ZNF292: variants seen among roughly 807,000 people sequenced by gnomAD.
ZNF292 encodes zinc finger protein 292.
In ZNF292, 26 loss-of-function variants were observed where a neutral mutation model predicts 217.9. That is an observed-to-expected ratio of 0.12 (90% CI 0.09 to 0.17). The LOEUF (loss-of-function observed/expected upper bound fraction) is 0.17. Ranked by LOEUF, ZNF292 falls within the 10% of genes least tolerant of loss-of-function variation. The pLI, the probability that ZNF292 is intolerant of heterozygous loss-of-function variation, is 1.00. For synonymous variants in ZNF292, 1,257 were observed against 1,124.1 expected (o/e 1.12, Z -2.37); for missense variants, 2,904 against 3,175.2 (o/e 0.91, Z 2.05).
rs978652468 is a variant in ZNF292, at chr6:87,240,883, A to G, written c.742-2592A>G. ...TATTCCTGTGCAGGTGGAATTCTGG[A>G]AAGATCACAGACTATGAAGCTAAAC... On this transcript the variant is annotated intron_variant, in intron 5 of 7. Transcript: ENST00000369577. Among the ~76,000 whole-genome samples, 5 of 152,358 alleles carry G rather than the reference A, an allele frequency of 3.3e-5. No individual in the cohort carries two copies. The East Asian group carries it at 7.7e-4, about 23-fold the overall frequency.
chr6:87,169,341 T>TG (rs1173904869), intron 1 of ZNF292, among the ~76,000 whole-genome samples: 31 of 151,686 alleles, frequency 2.0e-4, no homozygotes, highest in African/African-American at 5.8e-4. Flanking sequence ...GCGCCCAGCC[T>TG]CCTTTTTTTT....
chr6:87,216,835 A>G (rs931423286), intron 3 of ZNF292, among the ~76,000 whole-genome samples: 1 of 152,052 alleles, frequency 6.6e-6, no homozygotes, highest in Non-Finnish European at 1.5e-5. Flanking sequence ...CTAAGATCAC[A>G]TAGTAGTTAT....
chr6:87,211,243 C>T (rs1246490837), intron 1 of ZNF292, among the ~76,000 whole-genome samples: 1 of 152,142 alleles, frequency 6.6e-6, no homozygotes, highest in African/African-American at 2.4e-5. Flanking sequence ...TTTGGTAGTT[C>T]TGTCTTATAG....
chr6:87,202,016 TTCC>T (rs1351824302), intron 1 of ZNF292, among the ~76,000 whole-genome samples: 1 of 152,212 alleles, frequency 6.6e-6, no homozygotes, highest in Non-Finnish European at 1.5e-5. Context: ...GCAGATAATC[TTCC>T]AAATTCAAAA....
At chr6:87,249,820 G>A (rs1774809743) in intron 7 of ZNF292, among the ~76,000 whole-genome samples, 1 of 151,570 alleles carries the variant, frequency 6.6e-6, no homozygotes, top group African/African-American at 2.4e-5. Context: ...AGCGATTCTC[G>A]TGCCTCAGCC....
At chr6:87,217,416 A>T (rs554297013) in intron 3 of ZNF292, among the ~76,000 whole-genome samples, 2 of 152,080 alleles carry the variant, frequency 1.3e-5, no homozygotes, top group Non-Finnish European at 2.9e-5. Flanking sequence ...TCACATTGCA[A>T]CTAACTTTTT....
At chr6:87,160,637 T>C (rs905596376) in intron 1 of ZNF292, among the ~76,000 whole-genome samples, 10 of 150,114 alleles carry the variant, frequency 6.7e-5, no homozygotes, top group African/African-American at 2.5e-4. Flanking sequence ...TACATACATG[T>C]ATACGGTGTG....
chr6:87,177,454 T>G (rs1771339038), intron 1 of ZNF292, among the ~76,000 whole-genome samples: 1 of 152,228 alleles, frequency 6.6e-6, no homozygotes, highest in Non-Finnish European at 1.5e-5. Flanking sequence ...CTGCTTAAAT[T>G]TGATATGTCA....
At chr6:87,224,632 G>A (rs1355718935) in intron 4 of ZNF292, among the ~76,000 whole-genome samples, 1 of 152,074 alleles carries the variant, frequency 6.6e-6, no homozygotes, top group South Asian at 2.1e-4. Context: ...AGGGCTTTAC[G>A]TGTCTGTTAA....
chr6:87,239,326 C>T lies in ZNF292; in HGVS notation c.742-4149C>T, dbSNP rs575452840. Reference sequence around the variant, plus strand: ...CAGAGGCGCCCCCCCACCTCCTGGACGGGGCGGCTGGCCAGGCGGGGGCTG... The same window carrying T: ...CAGAGGCGCCCCCCCACCTCCTGGATGGGGCGGCTGGCCAGGCGGGGGCTG... On this transcript the variant is annotated intron_variant, in intron 5 of 7. Transcript: ENST00000369577. 3.8e-3 allele frequency among the ~76,000 whole-genome samples: 569 copies of T among 149,846 alleles called. 2 individuals are homozygous for T. Among genetic ancestry groups the T allele is most frequent in the African/African-American group, 0.013 (540 of 40,832 alleles).
Position 87,258,322 on chromosome 6 carries a change from A to T in ZNF292, c.4693A>T (p.Ser1565Cys). Residue 1565 changes from serine (S) to cysteine (C), a missense_variant, in exon 8 of 8, where the codon AGC becomes TGC. This residue lies in a region of ZNF292 where 622 missense variants were observed against 573.1 expected (regional missense o/e 1.09). Transcript: ENST00000369577. ...NSKTSSIEECSSLPVFPTNDL... is the reference protein window; with the variant it reads ...NSKTSSIEECCSLPVFPTNDL... ...CAAAACTTCCTCCATTGAGGAATGT[A>T]GCAGCTTGCCTGTTTTTCCAACGAA... 6.2e-7 allele frequency: 1 copy of T among 1,613,676 alleles called. No homozygotes were observed.
intron 4 of ZNF292, among the ~76,000 whole-genome samples, chr6:87,225,533 G>T (rs1177664379): frequency 6.6e-6 from 1 of 152,064 alleles, no homozygotes. Context: ...ATTTTTAGAT[G>T]AATTTCTGTG....
intron 5 of ZNF292, among the ~76,000 whole-genome samples, chr6:87,234,427 C>T (rs963737540): frequency 2.0e-5 from 3 of 151,892 alleles, no homozygotes; most frequent in African/African-American, 2.4e-5. Context: ...GGCATGGTGG[C>T]GGGCACCTGT....
Position 87,259,064 on chromosome 6 carries a change from T to C in ZNF292, c.5435T>C (p.Phe1812Ser), listed in dbSNP as rs1484794271. 3.7e-6 allele frequency: 6 copies of C among 1,613,308 alleles called. No individual in the cohort carries two copies. Among genetic ancestry groups the C allele is most frequent in the Non-Finnish European group, 5.1e-6 (6 of 1,179,642 alleles). ...AACAAATTACCCGATTCTTCTCCGT[T>C]TTCCTCCTTTATAAGTGTCATGCCA... Reference protein sequence around the residue: ...QNNKLPDSSPFSSFISVMPTK... With the variant: ...QNNKLPDSSPSSSFISVMPTK... The change falls in exon 8 of 8, where the codon TTT (phenylalanine) becomes TCT (serine). Residue 1812 changes from phenylalanine (F) to serine (S), a missense_variant. By Grantham distance (155) the Phe-to-Ser change is radical (BLOSUM62 -2). This residue lies in a region of ZNF292 where 622 missense variants were observed against 573.1 expected (regional missense o/e 1.09). Transcript: ENST00000369577.
rs141221178 is a variant in ZNF292 at position 87,252,807 on chromosome 6, T to A, written c.1021-1843T>A. Among the ~76,000 whole-genome samples the A allele has an allele frequency of 2.2e-3, 330 of 152,298 alleles. 1 individual carries two copies. Among genetic ancestry groups the A allele is most frequent in the African/African-American group, 7.5e-3 (312 of 41,556 alleles). ...GTACAAGTTTTAAGGCACAGATCTA[T>A]CTAGGAATAGTATAACATATACAAG... On this transcript the variant is annotated intron_variant, in intron 7 of 7. Coordinates refer to ENST00000369577, the MANE Select transcript of ZNF292 (RefSeq NM_015021.3).
At chr6:87,202,181 C>T (rs141664272) in intron 1 of ZNF292, among the ~76,000 whole-genome samples, 1 of 152,144 alleles carries the variant, frequency 6.6e-6, no homozygotes, top group Non-Finnish European at 1.5e-5. Context: ...CTTCCACTAT[C>T]TATGTATGTG....
chr6:87,197,088 AGTT>A (rs1771971499), intron 1 of ZNF292, among the ~76,000 whole-genome samples: 1 of 24,208 alleles, frequency 4.1e-5, no homozygotes, highest in African/African-American at 8.1e-4. Flanking sequence ...ATTCATTATT[AGTT>A]AAAGAAGTGC....
chr6:87,242,210 CAG>C (rs1289822939), intron 5 of ZNF292, among the ~76,000 whole-genome samples: 1 of 152,056 alleles, frequency 6.6e-6, no homozygotes, highest in Non-Finnish European at 1.5e-5. Flanking sequence ...GAAAAAGAGG[CAG>C]AGAGAGGAGT....
chr6:87,260,832 CA>C lies in ZNF292; in HGVS notation c.7205del (p.Asn2402IlefsTer2). 1 of 1,611,852 alleles carries C rather than the reference CA, an allele frequency of 6.2e-7. No individual in the cohort carries two copies. The highest frequency in any genetic ancestry group is 8.5e-7 in the Non-Finnish European group (1 of 1,178,824). On this transcript the variant is annotated frameshift_variant, in exon 8 of 8. Coordinates refer to ENST00000369577, the MANE Select transcript of ZNF292 (RefSeq NM_015021.3). LOFTEE classifies it high-confidence loss of function. ...GTACTTCAGTTGTTACAAGTGAAAGCAATATAATTAGACATTATAAGTGCCA... is the reference window on the plus strand; with the variant it reads ...GTACTTCAGTTGTTACAAGTGAAAGCATATAATTAGACATTATAAGTGCCA... ...GCTSVVTSESNIIRHYKCHKL... is the reference protein window; with the variant it reads ...GCTSVVTSESXIIRHYKCHKL...
Sources: gnomAD v4.1 joint callset for allele counts (sites outside exome capture counted in the v4.1 genomes callset) on GRCh38, gnomAD v4.1.1 for gene constraint, gnomAD v4.1.1 regional missense constraint, MANE v1.5 for transcripts, NCBI Gene and HGNC (gene_info 2026-07-23, HGNC 2026-07-21) for gene names.